MYO16: variants seen among roughly 807,000 people sequenced by gnomAD.
The protein encoded by MYO16 is myosin XVI, also known as unconventional myosin-XVI.
Under a neutral mutation model 205.3 loss-of-function variants are expected in MYO16, and 94 were observed. The observed-to-expected ratio is 0.46, with a 90% confidence interval of 0.39 to 0.54. MYO16 has a LOEUF of 0.54. MYO16 is among the 20% of genes least tolerant of loss of function. The pLI, the probability that MYO16 is intolerant of heterozygous loss-of-function variation, is 0.00. For missense variants in MYO16, 2,315 were observed against 2,387.5 expected (o/e 0.97, Z 0.63); for synonymous variants, 988 against 954.0 (o/e 1.04, Z -0.66).
At chr13:108,875,410 T>C (rs1166137385) in intron 12 of MYO16, among the ~76,000 whole-genome samples, 1 of 152,188 alleles carries the variant, frequency 6.6e-6, no homozygotes, top group African/African-American at 2.4e-5. Flanking sequence ...CAAAGTTTTA[T>C]AGAATTACAC....
intron 20 of MYO16, among the ~76,000 whole-genome samples, chr13:108,969,915 C>T (rs1883944240): frequency 1.3e-5 from 2 of 152,166 alleles, no homozygotes; most frequent in Admixed American, 6.6e-5. Context: ...TAACACTTCT[C>T]CTCTTTCATG....
chr13:108,931,123 A>G (rs79930338), intron 16 of MYO16, among the ~76,000 whole-genome samples: 4,411 of 152,288 alleles, frequency 0.029, 78 homozygotes, highest in Non-Finnish European at 0.043. Context: ...TTCCATCTGA[A>G]CAGCTGTTTC....
chr13:109,107,890 AAC>A (rs1161887563), intron 28 of MYO16, among the ~76,000 whole-genome samples: 28 of 149,000 alleles, frequency 1.9e-4, no homozygotes, highest in Non-Finnish European at 8.9e-5. Context: ...TTTTGTGCCA[AAC>A]ACATGCATAC....
chr13:109,019,670 G>A, intron 22 of MYO16, 41 bp from the exon 23 acceptor site: 1 of 1,492,034 alleles, frequency 6.7e-7, no homozygotes, highest in Non-Finnish European at 9.3e-7. Flanking sequence ...ATCAAACTAA[G>A]TAATAGACAA....
intron 12 of MYO16, among the ~76,000 whole-genome samples, chr13:108,880,800 G>A (rs1879576762): frequency 6.6e-6 from 1 of 152,164 alleles, no homozygotes. Context: ...GTAGCATGAT[G>A]CCTCCCGCTT....
At chr13:108,893,270 A>C (rs886388370) in intron 14 of MYO16, among the ~76,000 whole-genome samples, 1 of 152,230 alleles carries the variant, frequency 6.6e-6, no homozygotes, top group African/African-American at 2.4e-5. Context: ...TTATAAAATT[A>C]GAGGGTTTAG....
intron 2 of MYO16, among the ~76,000 whole-genome samples, chr13:108,673,439 C>T (rs1000046034): frequency 1.2e-4 from 18 of 150,512 alleles, no homozygotes; most frequent in African/African-American, 3.9e-4. Flanking sequence ...GGGCCTGTTT[C>T]AGTCCAGTCA....
At chr13:109,115,962 CAAAA>C (rs57436369) in intron 28 of MYO16, among the ~76,000 whole-genome samples, 1 of 148,160 alleles carries the variant, frequency 6.7e-6, no homozygotes, top group South Asian at 2.2e-4. Flanking sequence ...TATAGCATCT[CAAAA>C]AAACAAACAA....
At chr13:108,708,233 T>C (rs912595790) in intron 2 of MYO16, among the ~76,000 whole-genome samples, 1 of 152,108 alleles carries the variant, frequency 6.6e-6, no homozygotes, top group Non-Finnish European at 1.5e-5. Flanking sequence ...GTTGATAACA[T>C]AATTTCTATA....
chr13:108,645,276 G>A (rs964111039), intron 1 of MYO16, among the ~76,000 whole-genome samples: 31 of 152,194 alleles, frequency 2.0e-4, no homozygotes, highest in African/African-American at 7.5e-4. Context: ...AAAAGAGATT[G>A]AGTCATCAAT....
intron 20 of MYO16, among the ~76,000 whole-genome samples, chr13:108,979,544 A>G (rs542137300): frequency 2.0e-5 from 3 of 152,196 alleles, no homozygotes; most frequent in African/African-American, 7.2e-5. Context: ...TGAATATAGT[A>G]TGAGTGACTT....
Position 108,853,954 on chromosome 13 carries a change from T to TTGTGTGTGTGTGTGTGTG in MYO16, c.1249-1473_1249-1456dup, listed in dbSNP as rs5806760. On this transcript the variant is annotated intron_variant, in intron 10 of 34. Coordinates refer to ENST00000457511, the MANE Select transcript of MYO16 (RefSeq NM_001198950.3). ...CACTACTCAATTTGTGTTTCTATTA[T>TTGTGTGTGTGTGTGTGTG]TGTGTGTGTGTGTGTGTGTGTGTGT... Among the ~76,000 whole-genome samples, 179 of 138,588 alleles carry TTGTGTGTGTGTGTGTGTG rather than the reference T, an allele frequency of 1.3e-3. 1 individual carries two copies. Among genetic ancestry groups the TTGTGTGTGTGTGTGTGTG allele is most frequent in the South Asian group, 2.1e-3 (9 of 4,246 alleles). 90.9% of individuals were successfully genotyped at this position (138,588 alleles called of 152,430 possible).
At position 108,675,047 on chromosome 13, in the gene MYO16, C is replaced by T. The variant is rs562481620; in HGVS notation, c.292+8898C>T. Among the ~76,000 whole-genome samples, 14 of 152,230 alleles carry T rather than the reference C, an allele frequency of 9.2e-5. 1 individual carries two copies. In the South Asian group the frequency reaches 2.5e-3, roughly 27 times the overall value. ...ACTGCTCAATAGGATGGGAACATAC[C>T]GCCCTCTGAATGTGAAGCTGTGGAT... On this transcript the variant is annotated intron_variant, in intron 2 of 34. Coordinates refer to ENST00000457511, the MANE Select transcript of MYO16 (RefSeq NM_001198950.3).
intron 4 of MYO16, among the ~76,000 whole-genome samples, chr13:108,769,559 A>T (rs1434877760): frequency 2.0e-5 from 3 of 152,230 alleles, no homozygotes; most frequent in African/African-American, 4.8e-5. Flanking sequence ...TCTGTGAAAA[A>T]TTAACTCTGC....
intron 23 of MYO16, 43 bp from the exon 24 acceptor site, chr13:109,046,873 C>G: frequency 6.9e-7 from 1 of 1,458,876 alleles, no homozygotes; most frequent in Non-Finnish European, 9.6e-7. Flanking sequence ...TTTTCACAGT[C>G]ATGTTGAATC....
intron 23 of MYO16, among the ~76,000 whole-genome samples, chr13:109,043,552 T>C (rs1886947477): frequency 6.6e-6 from 1 of 152,194 alleles, no homozygotes; most frequent in South Asian, 2.1e-4. Flanking sequence ...CAGTTTAATG[T>C]ATGCATCAAA....
At chr13:108,904,371 A>C (rs966373145) in intron 15 of MYO16, among the ~76,000 whole-genome samples, 1 of 152,326 alleles carries the variant, frequency 6.6e-6, no homozygotes, top group Non-Finnish European at 1.5e-5. Context: ...TTACTGTATA[A>C]GTAAAAGGAA....
chr13:108,622,752 G>A (rs1428925041), intron 1 of MYO16, among the ~76,000 whole-genome samples: 1 of 152,022 alleles, frequency 6.6e-6, no homozygotes, highest in African/African-American at 2.4e-5. Flanking sequence ...ATTCTGATGG[G>A]AAACATGAAG....
intron 27 of MYO16, among the ~76,000 whole-genome samples, chr13:109,071,171 A>G (rs1887913417): frequency 6.6e-6 from 1 of 152,216 alleles, no homozygotes; most frequent in African/African-American, 2.4e-5. Context: ...CATTTGCTAA[A>G]GAATGAAAAG....
Sources: allele counts gnomAD v4.1 joint callset (sites outside exome capture counted in the v4.1 genomes callset), GRCh38; gene constraint gnomAD v4.1.1; transcripts MANE v1.5; gene names NCBI Gene and HGNC (gene_info 2026-07-23, HGNC 2026-07-21).